ARHGAP10: variants seen among roughly 807,000 people sequenced by gnomAD.
ARHGAP10 encodes Rho GTPase activating protein 10.
Under a neutral mutation model 108.6 loss-of-function variants are expected in ARHGAP10, and 87 were observed. The observed-to-expected ratio is 0.80, with a 90% CI of 0.67 to 0.96. The LOEUF (loss-of-function observed/expected upper bound fraction) is 0.96, where lower values mean the gene tolerates loss of function less well. Among genes scored for constraint, ARHGAP10 ranks in the 40% least tolerant of loss-of-function variants. The probability of loss-of-function intolerance (pLI) is 0.00; values close to 1 mark genes in which losing one functional copy is unlikely to be tolerated. For synonymous variants in ARHGAP10, 347 were observed against 341.1 expected (o/e 1.02, Z -0.19); for missense variants, 939 against 954.5 (o/e 0.98, Z 0.21).
rs112205820 is a variant in ARHGAP10, at chr4:147,948,314, AAGTC to A, written c.1391+1616_1391+1619del. On this transcript the variant is annotated intron_variant, in intron 15 of 22. Coordinates refer to ENST00000336498, the MANE Select transcript of ARHGAP10 (RefSeq NM_024605.4). ...TTTATCTCAAAAAGTCATTTTTAAA[AAGTC>A]AGTCAAAATATAATTATTATGCACA... 4.4e-3 allele frequency among the ~76,000 whole-genome samples: 666 copies of A among 152,298 alleles called. 6 individuals carry two copies. The highest frequency in any genetic ancestry group is 0.017 in the Middle Eastern group (5 of 294).
At chr4:147,816,413 T>G (rs1038285010) in intron 1 of ARHGAP10, among the ~76,000 whole-genome samples, 3 of 152,242 alleles carry the variant, frequency 2.0e-5, no homozygotes, top group Non-Finnish European at 4.4e-5. Context: ...GGGCTCTCCT[T>G]GTTTTCCTTT....
chr4:147,918,236 C>T (rs910569594), intron 13 of ARHGAP10, among the ~76,000 whole-genome samples: 1 of 148,406 alleles, frequency 6.7e-6, no homozygotes, highest in Non-Finnish European at 1.5e-5. Flanking sequence ...CCTGGGTTCA[C>T]ACCATTCTCC....
chr4:147,887,816 G>A (rs1274194918), intron 10 of ARHGAP10, among the ~76,000 whole-genome samples: 1 of 151,620 alleles, frequency 6.6e-6, no homozygotes, highest in Non-Finnish European at 1.5e-5. Flanking sequence ...GAGCTGAGAT[G>A]GCACCACCGC....
chr4:147,865,179 A>G, intron 6 of ARHGAP10: 1 of 405,738 alleles, frequency 2.5e-6, no homozygotes, highest in Non-Finnish European at 4.4e-6. Context: ...TAATATTCCC[A>G]TTGCTACATG....
intron 1 of ARHGAP10, among the ~76,000 whole-genome samples, chr4:147,796,183 A>G (rs1055812284): frequency 5.9e-5 from 9 of 152,214 alleles, no homozygotes; most frequent in African/African-American, 2.2e-4. Flanking sequence ...AAAAATATTA[A>G]GTTTCTTCTA....
intron 1 of ARHGAP10, among the ~76,000 whole-genome samples, chr4:147,741,100 T>C (rs1238042627): frequency 6.6e-6 from 1 of 152,256 alleles, no homozygotes; most frequent in Non-Finnish European, 1.5e-5. Flanking sequence ...AACCTTTTTT[T>C]CCTACAAGTG....
Position 147,939,820 on chromosome 4 carries a change from C to T in ARHGAP10, c.1229-5C>T. On this transcript the variant is annotated splice_region_variant and splice_polypyrimidine_tract_variant and intron_variant, in intron 13 of 22. Transcript: ENST00000336498. ...ATTTTGCTAATAGTTTGTTTCTTCC[C>T]ATAGGTATAAATGACCAAGGATTGT... 6.2e-7 allele frequency: 1 copy of T among 1,613,396 alleles called. No individual in the cohort carries two copies. Among genetic ancestry groups the T allele is most frequent in the South Asian group, 1.1e-5 (1 of 91,052 alleles).
chr4:147,793,972 A>T (rs983207557), intron 1 of ARHGAP10, among the ~76,000 whole-genome samples: 2 of 152,230 alleles, frequency 1.3e-5, no homozygotes, highest in African/African-American at 4.8e-5. Context: ...TTAATTTTCA[A>T]ACAGTTCTAC....
chr4:147,787,121 C>G (rs2126741142), intron 1 of ARHGAP10, among the ~76,000 whole-genome samples: 1 of 152,064 alleles, frequency 6.6e-6, no homozygotes, highest in East Asian at 1.9e-4. Context: ...AGCAGATGAC[C>G]AAGGTGGAAG....
chr4:147,985,374 C>T (rs1204760034), intron 18 of ARHGAP10, among the ~76,000 whole-genome samples: 1 of 152,148 alleles, frequency 6.6e-6, no homozygotes, highest in Admixed American at 6.5e-5. Flanking sequence ...GGCCCTGCTG[C>T]ACCATAACCT....
intron 1 of ARHGAP10, among the ~76,000 whole-genome samples, chr4:147,740,394 A>G (rs1256054438): frequency 6.6e-6 from 1 of 152,188 alleles, no homozygotes; most frequent in African/African-American, 2.4e-5. Context: ...CCTGAACCAC[A>G]GTAATGAGCT....
intron 20 of ARHGAP10, among the ~76,000 whole-genome samples, chr4:148,059,780 G>A (rs1729523009): frequency 6.6e-6 from 1 of 152,118 alleles, no homozygotes; most frequent in African/African-American, 2.4e-5. Flanking sequence ...CAGAAGGCGT[G>A]GGACTCGCGG....
intron 18 of ARHGAP10, among the ~76,000 whole-genome samples, chr4:147,968,411 C>T (rs1435686902): frequency 6.6e-6 from 1 of 152,206 alleles, no homozygotes; most frequent in Non-Finnish European, 1.5e-5. Flanking sequence ...CTTGGGATCA[C>T]AGGCTGCTGA....
Position 148,055,188 on chromosome 4 carries a change from C to G in ARHGAP10, c.2028-7960C>G, listed in dbSNP as rs558762138. 3.9e-5 allele frequency among the ~76,000 whole-genome samples: 6 copies of G among 152,260 alleles called. No homozygotes were observed. In the South Asian group the frequency reaches 1.2e-3, roughly 32 times the overall value. Reference sequence around the variant, plus strand: ...TACAGCAAAACCAAGAACTTTTGCTCTAAGAGAGTGGACTTTGGGAGTGAA... The same window carrying G: ...TACAGCAAAACCAAGAACTTTTGCTGTAAGAGAGTGGACTTTGGGAGTGAA... On this transcript the variant is annotated intron_variant, in intron 20 of 22. Transcript: ENST00000336498.
chr4:147,888,205 C>T (rs534213316), intron 10 of ARHGAP10, among the ~76,000 whole-genome samples: 1 of 152,324 alleles, frequency 6.6e-6, no homozygotes, highest in Non-Finnish European at 1.5e-5. Context: ...TTCACTCACA[C>T]TTTTTTATGA....
intron 19 of ARHGAP10, among the ~76,000 whole-genome samples, chr4:148,042,589 C>G (rs1560888936): frequency 6.6e-6 from 1 of 152,178 alleles, no homozygotes; most frequent in Non-Finnish European, 1.5e-5. Flanking sequence ...ACCTGTCTTT[C>G]GCTCCTGACA....
At chr4:148,057,980 C>G (rs1263605202) in intron 20 of ARHGAP10, among the ~76,000 whole-genome samples, 1 of 152,214 alleles carries the variant, frequency 6.6e-6, no homozygotes, top group African/African-American at 2.4e-5. Context: ...ATGTCACAGG[C>G]CTTTGTTTCT....
chr4:147,945,561 T>C (rs1738345496), intron 14 of ARHGAP10, among the ~76,000 whole-genome samples: 1 of 152,232 alleles, frequency 6.6e-6, no homozygotes, highest in African/African-American at 2.4e-5. Context: ...TAAATGACTT[T>C]TTAAGTCTCT....
chr4:148,037,075 A>G (rs1211116235), intron 19 of ARHGAP10, among the ~76,000 whole-genome samples: 1 of 152,164 alleles, frequency 6.6e-6, no homozygotes, highest in African/African-American at 2.4e-5. Flanking sequence ...CCTCAGTCTT[A>G]TGGTAACTTT....
Sources: allele counts gnomAD v4.1 joint callset (sites outside exome capture counted in the v4.1 genomes callset), GRCh38; gene constraint gnomAD v4.1.1; transcripts MANE v1.5; gene names NCBI Gene and HGNC (gene_info 2026-07-23, HGNC 2026-07-21).